SLC8A3: variants seen among roughly 807,000 people sequenced by gnomAD.
SLC8A3 encodes the protein sodium/calcium exchanger 3.
A neutral mutation model predicts 65.4 loss-of-function variants in SLC8A3; 37 were observed. The ratio of observed to expected loss-of-function variants is 0.57; its 90% confidence interval spans 0.44 to 0.74. SLC8A3 has a LOEUF of 0.74. SLC8A3 is among the 30% of genes least tolerant of loss of function. The pLI is 0.00. For synonymous variants in SLC8A3, 461 were observed against 444.5 expected (o/e 1.04, Z -0.47); for missense variants, 1,112 against 1,172.1 (o/e 0.95, Z 0.75).
At chr14:70,082,145 AC>A (rs1891095206) in intron 2 of SLC8A3, among the ~76,000 whole-genome samples, 1 of 152,142 alleles carries the variant, frequency 6.6e-6, no homozygotes, top group Non-Finnish European at 1.5e-5. Context: ...CTAGGATTTG[AC>A]CCCAGTGGTC....
At chr14:70,063,650 C>G (rs1889069826) in intron 2 of SLC8A3, among the ~76,000 whole-genome samples, 1 of 151,642 alleles carries the variant, frequency 6.6e-6, no homozygotes, top group African/African-American at 2.4e-5. Context: ...AGAGAGAGGA[C>G]AGAGGAGAGG....
chr14:70,080,474 T>C (rs1222262151), intron 2 of SLC8A3, among the ~76,000 whole-genome samples: 1 of 152,160 alleles, frequency 6.6e-6, no homozygotes, highest in Non-Finnish European at 1.5e-5. Flanking sequence ...GGACTGACTG[T>C]TGAAAACTGC....
At chr14:70,083,711 G>A (rs1397106631) in intron 2 of SLC8A3, among the ~76,000 whole-genome samples, 3 of 152,194 alleles carry the variant, frequency 2.0e-5, no homozygotes, top group African/African-American at 7.2e-5. Flanking sequence ...CCACTTGACA[G>A]TTACAGGAAT....
chr14:70,045,289 A>T lies in SLC8A3; in HGVS notation c.*658T>A, dbSNP rs991802620. On this transcript the variant is annotated 3_prime_UTR_variant, in exon 7 of 7. Coordinates refer to ENST00000356921, the MANE Select transcript of SLC8A3 (RefSeq NM_182932.3). ...ACTCAGAGAAAACAGTGAGATGGGG[A>T]ACTGGATCTTGATGGAGCCAAGAGG... 1.3e-5 allele frequency: 2 copies of T among 152,178 alleles called. No homozygotes were observed. Among genetic ancestry groups the T allele is most frequent in the African/African-American group, 4.8e-5 (2 of 41,410 alleles). The allele number at this position is 152,178 out of a possible 1,614,324, so 9.4% of individuals were successfully genotyped here.
intron 2 of SLC8A3, chr14:70,063,713 G>T: frequency 3.0e-6 from 2 of 669,058 alleles, no homozygotes; most frequent in East Asian, 5.2e-5. Flanking sequence ...AAGGGAAAGG[G>T]AACCAGAGAG....
At chr14:70,138,753 C>T (rs1895384136) in intron 2 of SLC8A3, among the ~76,000 whole-genome samples, 1 of 152,176 alleles carries the variant, frequency 6.6e-6, no homozygotes, top group Non-Finnish European at 1.5e-5. Flanking sequence ...ACGAGTGTGT[C>T]TAGGCTTGGC....
intron 1 of SLC8A3, among the ~76,000 whole-genome samples, chr14:70,188,088 C>G (rs1484376179): frequency 6.6e-6 from 1 of 152,184 alleles, no homozygotes; most frequent in Non-Finnish European, 1.5e-5. Flanking sequence ...CCAGGCATCT[C>G]TCTCTGCCCC....
At chr14:70,066,406 T>C (rs1341394306) in intron 2 of SLC8A3, among the ~76,000 whole-genome samples, 1 of 152,206 alleles carries the variant, frequency 6.6e-6, no homozygotes, top group African/African-American at 2.4e-5. Flanking sequence ...TGCCCAGTTT[T>C]CCTAAACCTG....
intron 2 of SLC8A3, among the ~76,000 whole-genome samples, chr14:70,154,276 T>A (rs757349967): frequency 2.6e-5 from 4 of 152,240 alleles, no homozygotes; most frequent in Non-Finnish European, 5.9e-5. Context: ...TCAGAAGATC[T>A]AGGGCTAAAA....
intron 1 of SLC8A3, among the ~76,000 whole-genome samples, chr14:70,173,007 G>A (rs1897647049): frequency 6.6e-6 from 1 of 152,204 alleles, no homozygotes; most frequent in East Asian, 1.9e-4. Context: ...GGGATTACAA[G>A]ACATGCAGTG....
At chr14:70,132,769 T>C (rs76006668) in intron 2 of SLC8A3, among the ~76,000 whole-genome samples, 34 of 152,178 alleles carry the variant, frequency 2.2e-4, no homozygotes, top group African/African-American at 8.2e-4. Flanking sequence ...GTGTGTTGTG[T>C]GTCCACCCCA....
chr14:70,139,395 T>C (rs1895419257), intron 2 of SLC8A3, among the ~76,000 whole-genome samples: 1 of 152,202 alleles, frequency 6.6e-6, no homozygotes, highest in African/African-American at 2.4e-5. Context: ...CCCTCTTTGA[T>C]GGCATCAAAA....
chr14:70,130,680 G>A (rs1047646662), intron 2 of SLC8A3, among the ~76,000 whole-genome samples: 15 of 152,188 alleles, frequency 9.9e-5, no homozygotes, highest in African/African-American at 1.9e-4. Context: ...CCATCTTGGC[G>A]CCCTGGCTGT....
At chr14:70,068,611 TG>T (rs1389633720) in intron 2 of SLC8A3, among the ~76,000 whole-genome samples, 1 of 152,190 alleles carries the variant, frequency 6.6e-6, no homozygotes, top group Non-Finnish European at 1.5e-5. Context: ...CTTGAACTCC[TG>T]GGCTCAAGTG....
At chr14:70,086,296 G>A (rs1891427123) in intron 2 of SLC8A3, among the ~76,000 whole-genome samples, 2 of 152,102 alleles carry the variant, frequency 1.3e-5, no homozygotes, top group Non-Finnish European at 2.9e-5. Flanking sequence ...ATGAAACCGG[G>A]ATTCCAGCCT....
chr14:70,121,566 T>TA (rs959326631), intron 2 of SLC8A3, among the ~76,000 whole-genome samples: 2 of 152,118 alleles, frequency 1.3e-5, no homozygotes, highest in Admixed American at 1.3e-4. Context: ...CAATTAGGCA[T>TA]AAAAAAATCC....
Position 70,167,134 on chromosome 14 carries a change from T to C in SLC8A3, c.1289A>G (p.Tyr430Cys). 3 of 1,614,176 alleles carry C rather than the reference T, an allele frequency of 1.9e-6. No individual in the cohort carries two copies. The highest frequency in any genetic ancestry group is 2.5e-6 in the Non-Finnish European group (3 of 1,180,002). ...RKGGDMSKTM[Y>C]VDYKTEDGSA... ...ACCATCCTCTGTTTTGTAGTCCACATACATGGTCTTTGACATGTCTCCCCC... is the reference window on the plus strand; with the variant it reads ...ACCATCCTCTGTTTTGTAGTCCACACACATGGTCTTTGACATGTCTCCCCC... The change falls in exon 2 of 7, where the codon TAT becomes TGT. Residue 430 changes from tyrosine to cysteine, a missense_variant. Coordinates refer to ENST00000356921, the MANE Select transcript of SLC8A3 (RefSeq NM_182932.3).
At chr14:70,125,141 A>C (rs1335807363) in intron 2 of SLC8A3, among the ~76,000 whole-genome samples, 1 of 152,240 alleles carries the variant, frequency 6.6e-6, no homozygotes, top group Non-Finnish European at 1.5e-5. Context: ...GGACAGGAGC[A>C]GTAGTTCTCA....
At chr14:70,153,075 G>C (rs1443429659) in intron 2 of SLC8A3, among the ~76,000 whole-genome samples, 1 of 152,160 alleles carries the variant, frequency 6.6e-6, no homozygotes, top group Non-Finnish European at 1.5e-5. Flanking sequence ...TGCTGAAGCT[G>C]GGACAGGAGA....
Sources: allele counts gnomAD v4.1 joint callset (sites outside exome capture counted in the v4.1 genomes callset), GRCh38; gene constraint gnomAD v4.1.1; transcripts MANE v1.5; gene names NCBI Gene and HGNC (gene_info 2026-07-23, HGNC 2026-07-21).